Variants in VAV2 observed in about 807,000 individuals in gnomAD.
VAV2 encodes the protein vav guanine nucleotide exchange factor 2.
Under a neutral mutation model 132.5 loss-of-function variants are expected in VAV2, and 67 were observed. That is an observed-to-expected ratio of 0.51 (90% CI 0.42 to 0.62). VAV2 has a LOEUF of 0.62. Among genes scored for constraint, VAV2 ranks in the 20% least tolerant of loss-of-function variants. VAV2 has a pLI of 0.00. For missense variants in VAV2, 938 were observed against 1,153.6 expected, an observed-to-expected ratio of 0.81 and a Z score of 2.71; for synonymous variants, 492 against 443.5, an observed-to-expected ratio of 1.11 and a Z score of -1.37.
At chr9:133,882,038 C>T (rs534680470) in intron 2 of VAV2, among the ~76,000 whole-genome samples, 1 of 152,334 alleles carries the variant, frequency 6.6e-6, no homozygotes, top group East Asian at 1.9e-4. Flanking sequence ...GAAGGTTCCT[C>T]TCCCAAGAGA....
intron 21 of VAV2, 48 bp downstream of exon 21, chr9:133,779,870 G>C (rs764354451): frequency 6.2e-7 from 1 of 1,602,096 alleles, no homozygotes; most frequent in South Asian, 1.1e-5. Context: ...GCTCCCAGGT[G>C]ATGGCTGACA....
In VAV2 at chr9:133,769,323, G is replaced by A; in HGVS notation, c.2434+94C>T. Reference sequence around the variant, plus strand: ...CTGCGGACAACTGTGGCCACGTCAGGCAGGGCTGTGGGGCCAGTGGGCAGC... The same window carrying A: ...CTGCGGACAACTGTGGCCACGTCAGACAGGGCTGTGGGGCCAGTGGGCAGC... On this transcript the variant is annotated intron_variant, in intron 28 of 29. Transcript: ENST00000371850. This position sits in a 1 kb window ranked among gnomAD's most constrained non-coding sequence, Gnocchi z 8.1. 7.4e-7 allele frequency: 1 copy of A among 1,342,862 alleles called. No individual in the cohort carries two copies. Among genetic ancestry groups the A allele is most frequent in the Non-Finnish European group, 1.0e-6 (1 of 984,486 alleles). The allele number at this position is 1,342,862 out of a possible 1,614,324, so 83.2% of individuals were successfully genotyped here.
chr9:133,857,410 T>C lies in VAV2; in HGVS notation c.380+3964A>G, dbSNP rs1309031399. Among the ~76,000 whole-genome samples, 1 of 152,162 alleles carries C rather than the reference T, an allele frequency of 6.6e-6. No individual in the cohort carries two copies. Among genetic ancestry groups the C allele is most frequent in the Non-Finnish European group, 1.5e-5 (1 of 68,028 alleles). ...TTCATCAGCCTCTGAGAAGTATAAT[T>C]GGGGCTTTTATGGAAAATCAGCTCA... On this transcript the variant is annotated intron_variant, in intron 3 of 29. Coordinates refer to ENST00000371850, the MANE Select transcript of VAV2 (RefSeq NM_001134398.2). The surrounding 1 kb of genome is among the most constrained non-coding windows in gnomAD (Gnocchi z 4.0).
chr9:133,764,134 C>G lies in VAV2; in HGVS notation c.2590-25G>C, dbSNP rs755856236. 82 of 1,555,358 alleles carry G rather than the reference C, an allele frequency of 5.3e-5. No individual in the cohort carries two copies. In the South Asian group the frequency reaches 7.3e-4, roughly 14 times the overall value. On this transcript the variant is annotated intron_variant, in intron 29 of 29. Coordinates refer to ENST00000371850, the MANE Select transcript of VAV2 (RefSeq NM_001134398.2). ...TCTGAAAAAGATGGTAAGATCGTGT[C>G]TGTGTGTGTGTGTGTGTGTGTAAGC...
chr9:133,942,102 C>T (rs757381050), intron 1 of VAV2, among the ~76,000 whole-genome samples: 4 of 152,190 alleles, frequency 2.6e-5, no homozygotes, highest in Non-Finnish European at 4.4e-5. Flanking sequence ...CTGGACGGTG[C>T]TCTAGAGGAA....
intron 19 of VAV2, among the ~76,000 whole-genome samples, chr9:133,782,950 C>T (rs1471306669): frequency 6.6e-6 from 1 of 152,152 alleles, no homozygotes; most frequent in Non-Finnish European, 1.5e-5. Context: ...CTGCCTCTGC[C>T]CACTGCCAGC....
At position 133,862,516 on chromosome 9, in the gene VAV2, T is replaced by C. The variant is rs531458646; in HGVS notation, c.322-1084A>G. 1.4e-4 allele frequency among the ~76,000 whole-genome samples: 21 copies of C among 152,352 alleles called. No individual in the cohort carries two copies. In the South Asian group the frequency reaches 4.4e-3, roughly 32 times the overall value. On this transcript the variant is annotated intron_variant, in intron 2 of 29. Transcript: ENST00000371850. ...GACAGCTCGCGTGTGTGGTCGTGTG[T>C]GCATGTTGCTTGTGCGTGCTACAAG...
At chr9:133,914,040 C>T (rs914751922) in intron 2 of VAV2, among the ~76,000 whole-genome samples, 27 of 152,352 alleles carry the variant, frequency 1.8e-4, no homozygotes, top group African/African-American at 6.0e-4. Flanking sequence ...CGTAAACCAA[C>T]AAGCAACCAA....
At chr9:133,871,385 GATGA>G (rs1386988545) in intron 2 of VAV2, among the ~76,000 whole-genome samples, 1 of 151,314 alleles carries the variant, frequency 6.6e-6, no homozygotes, top group Non-Finnish European at 1.5e-5. Flanking sequence ...TGGATGGATG[GATGA>G]ATAGATGGAC....
At chr9:133,982,322 C>T (rs1223792964) in intron 1 of VAV2, among the ~76,000 whole-genome samples, 2 of 152,204 alleles carry the variant, frequency 1.3e-5, no homozygotes, top group East Asian at 3.9e-4. Context: ...TGCATGGCTG[C>T]AGCACACGTG....
chr9:133,795,303 G>A (rs994872611), intron 12 of VAV2, among the ~76,000 whole-genome samples: 1 of 151,996 alleles, frequency 6.6e-6, no homozygotes, highest in Non-Finnish European at 1.5e-5. Flanking sequence ...TGGCACCGGA[G>A]GTGGCATTTT....
chr9:133,838,613 G>A (rs1272004511), intron 3 of VAV2, among the ~76,000 whole-genome samples: 3 of 148,684 alleles, frequency 2.0e-5, no homozygotes, highest in Non-Finnish European at 4.5e-5. Flanking sequence ...ATGGATGTAT[G>A]GGTGTATGGG....
rs181527487 is a variant in VAV2, at chr9:133,921,515, G to A, written c.321+17588C>T. On this transcript the variant is annotated intron_variant, in intron 2 of 29. Coordinates refer to ENST00000371850, the MANE Select transcript of VAV2 (RefSeq NM_001134398.2). Reference sequence around the variant, plus strand: ...AAAGAAAGAAAGTTGTGTCTCACTCGAAGAAACCCAGCTTCCCAGTGCCTC... The same window carrying A: ...AAAGAAAGAAAGTTGTGTCTCACTCAAAGAAACCCAGCTTCCCAGTGCCTC... 1.5e-4 allele frequency among the ~76,000 whole-genome samples: 23 copies of A among 152,280 alleles called. No individual in the cohort carries two copies. In the East Asian group the frequency reaches 3.7e-3, roughly 24 times the overall value.
At position 133,823,964 on chromosome 9, in the gene VAV2, C is replaced by T. The variant is rs890241039; in HGVS notation, c.449+10308G>A. Among the ~76,000 whole-genome samples, 2 of 152,138 alleles carry T rather than the reference C, an allele frequency of 1.3e-5. No individual in the cohort carries two copies. The highest frequency in any genetic ancestry group is 2.9e-5 in the Non-Finnish European group (2 of 68,030). On this transcript the variant is annotated intron_variant, in intron 4 of 29. Coordinates refer to ENST00000371850, the MANE Select transcript of VAV2 (RefSeq NM_001134398.2). This position sits in a 1 kb window ranked among gnomAD's most constrained non-coding sequence, Gnocchi z 5.5. ...CGATCTCCCACTGAGAAGGAACAAA[C>T]GGCCTCTCCCTCAGTGGTGGGGGTG...
At chr9:133,932,368 C>T (rs527510276) in intron 2 of VAV2, among the ~76,000 whole-genome samples, 3 of 152,218 alleles carry the variant, frequency 2.0e-5, no homozygotes, top group Admixed American at 6.5e-5. Context: ...GGCCCCAGCA[C>T]GCCCACCCCG....
chr9:133,853,951 G>C (rs1371539016), intron 3 of VAV2, among the ~76,000 whole-genome samples: 3 of 152,134 alleles, frequency 2.0e-5, no homozygotes, highest in Admixed American at 6.5e-5. Context: ...GAATGAGCAA[G>C]ATCCAGGCCT....
At chr9:133,968,137 G>A (rs762916855) in intron 1 of VAV2, among the ~76,000 whole-genome samples, 2 of 152,008 alleles carry the variant, frequency 1.3e-5, no homozygotes, top group African/African-American at 2.4e-5. Context: ...TCAGAAGCAC[G>A]GCAGGAGGAT....
chr9:133,879,873 T>C lies in VAV2; in HGVS notation c.322-18441A>G, dbSNP rs955649418. Among the ~76,000 whole-genome samples, 3 of 152,200 alleles carry C rather than the reference T, an allele frequency of 2.0e-5. 1 individual carries two copies. Among genetic ancestry groups the C allele is most frequent in the African/African-American group, 7.2e-5 (3 of 41,446 alleles). ...GCAGACGAAGCTCTGGCATCCAGATTTGCTTCCAAGCGGTTTTACCTTGAT... is the reference window on the plus strand; with the variant it reads ...GCAGACGAAGCTCTGGCATCCAGATCTGCTTCCAAGCGGTTTTACCTTGAT... On this transcript the variant is annotated intron_variant, in intron 2 of 29. Coordinates refer to ENST00000371850, the MANE Select transcript of VAV2 (RefSeq NM_001134398.2). This position sits in a 1 kb window ranked among gnomAD's most constrained non-coding sequence, Gnocchi z 4.4.
rs372572512 is a variant in VAV2 at position 133,927,186 on chromosome 9, A to T, written c.321+11917T>A. Among the ~76,000 whole-genome samples the T allele has an allele frequency of 6.6e-5, 10 of 152,130 alleles. No homozygotes were observed. The East Asian group carries it at 1.7e-3, about 27-fold the overall frequency. ...TCTCTCCTCTTTCTGGGGACACGAA[A>T]CCTGAGACCAGCTAGCCCAGGAGTG... On this transcript the variant is annotated intron_variant, in intron 2 of 29. Transcript: ENST00000371850.
Sources: gnomAD v4.1 joint callset for allele counts (sites outside exome capture counted in the v4.1 genomes callset) on GRCh38, gnomAD v4.1.1 for gene constraint, Gnocchi (gnomAD v3.1) non-coding constraint, MANE v1.5 for transcripts, NCBI Gene and HGNC (gene_info 2026-07-23, HGNC 2026-07-21) for gene names.